Variants in GRIP1 observed in about 807,000 individuals in gnomAD.
GRIP1 encodes glutamate receptor-interacting protein 1.
Under a neutral mutation model 129.9 loss-of-function variants are expected in GRIP1, and 45 were observed. That is an observed-to-expected ratio of 0.35 (90% CI 0.27 to 0.44). The LOEUF (loss-of-function observed/expected upper bound fraction) is 0.44. Ranked by LOEUF, GRIP1 falls within the 20% of genes least tolerant of loss-of-function variation. The probability of loss-of-function intolerance (pLI) is 1.00; values close to 1 mark genes in which losing one functional copy is unlikely to be tolerated. For synonymous variants in GRIP1, 530 were observed against 520.8 expected (o/e 1.02, Z -0.24); for missense variants, 1,196 against 1,396.8 (o/e 0.86, Z 2.29).
intron 1 of GRIP1, among the ~76,000 whole-genome samples, chr12:66,976,941 C>T (rs2042161398): frequency 2.0e-5 from 3 of 152,150 alleles, no homozygotes; most frequent in Admixed American, 2.0e-4. Flanking sequence ...TATAAACTGC[C>T]AAGCTAATGA....
intron 7 of GRIP1, among the ~76,000 whole-genome samples, chr12:66,471,114 G>A (rs2059427840): frequency 6.6e-6 from 1 of 152,180 alleles, no homozygotes; most frequent in Non-Finnish European, 1.5e-5. Context: ...TCATGGCAGA[G>A]CAGCAAGAAG....
intron 1 of GRIP1, among the ~76,000 whole-genome samples, chr12:67,054,989 G>A (rs1185294954): frequency 2.0e-5 from 3 of 152,136 alleles, no homozygotes; most frequent in Admixed American, 2.0e-4. Flanking sequence ...ATCGGCTACT[G>A]GGTTTACCAA....
intron 1 of GRIP1, among the ~76,000 whole-genome samples, chr12:66,880,110 T>C (rs575647375): frequency 3.3e-5 from 5 of 151,944 alleles, no homozygotes; most frequent in Non-Finnish European, 7.4e-5. Context: ...CAAGACCAGA[T>C]AGCTTGAGGT....
chr12:66,383,095 G>A (rs1044062936), intron 19 of GRIP1, among the ~76,000 whole-genome samples: 9 of 151,946 alleles, frequency 5.9e-5, no homozygotes, highest in East Asian at 1.9e-4. Flanking sequence ...CCAGGAGTTC[G>A]AGACCAGCCT....
intron 1 of GRIP1, among the ~76,000 whole-genome samples, chr12:66,637,329 G>A (rs1194254351): frequency 3.3e-5 from 5 of 152,010 alleles, no homozygotes; most frequent in African/African-American, 9.7e-5. Flanking sequence ...GGCTTAACAT[G>A]GTTACCAATA....
rs547230086 is a variant in GRIP1 at position 66,991,958 on chromosome 12, T to C, written c.58+77092A>G. Among the ~76,000 whole-genome samples, 329 of 152,308 alleles carry C rather than the reference T, an allele frequency of 2.2e-3. 3 individuals are homozygous for C. Among genetic ancestry groups the C allele is most frequent in the African/African-American group, 7.7e-3 (320 of 41,570 alleles). On this transcript the variant is annotated intron_variant, in intron 1 of 1. Coordinates refer to the GRIP1 transcript ENST00000643019. ...AAATGCTTTCACAGAACAGGACACA[T>C]TGAAACACCACTCAAAATATGACTT... is the stretch of plus-strand genomic sequence containing the variant.
chr12:66,791,310 A>G (rs529400879), intron 1 of GRIP1, among the ~76,000 whole-genome samples: 3 of 152,270 alleles, frequency 2.0e-5, no homozygotes, highest in South Asian at 2.1e-4. Context: ...TCCGGATGGG[A>G]GGAGCAGACT....
At chr12:66,841,845 C>T (rs773921635) in intron 1 of GRIP1, among the ~76,000 whole-genome samples, 1 of 152,138 alleles carries the variant, frequency 6.6e-6, no homozygotes, top group South Asian at 2.1e-4. Flanking sequence ...TTATATTTGC[C>T]TATTCTGTAA....
chr12:66,681,829 C>T (rs1474716550), upstream of GRIP1, among the ~76,000 whole-genome samples: 1 of 152,104 alleles, frequency 6.6e-6, no homozygotes, highest in Admixed American at 6.6e-5. Context: ...GCAGACTAGT[C>T]CCTTAAGATG....
intron 1 of GRIP1, among the ~76,000 whole-genome samples, chr12:67,015,327 C>G (rs182970743): frequency 6.9e-4 from 105 of 152,296 alleles, no homozygotes; most frequent in Non-Finnish European, 2.9e-5. Context: ...GGGGCTCTTT[C>G]ACGCTAAAAT....
chr12:66,729,284 T>C lies in GRIP1; in HGVS notation c.-420+74769A>G, dbSNP rs1266510292. ...TTTCTGGTATTTAATTTTAGGTTTT[T>C]GGCTAGTATTAAGAAAAACCATACT... On this transcript the variant is annotated intron_variant, in intron 1 of 4. Transcript: ENST00000538373. 2.0e-5 allele frequency among the ~76,000 whole-genome samples: 3 copies of C among 152,156 alleles called. No homozygotes were observed. The East Asian group carries it at 5.8e-4, about 29-fold the overall frequency.
intron 2 of GRIP1, among the ~76,000 whole-genome samples, chr12:66,553,894 AG>A (rs2062228133): frequency 6.6e-6 from 1 of 152,022 alleles, no homozygotes; most frequent in Non-Finnish European, 1.5e-5. Context: ...CCTCCATCCC[AG>A]CAGTTGCCAT....
chr12:66,581,138 C>T (rs2063360532), intron 2 of GRIP1, among the ~76,000 whole-genome samples: 1 of 152,106 alleles, frequency 6.6e-6, no homozygotes, highest in Admixed American at 6.5e-5. Context: ...ACTGAACAAC[C>T]TGCTCCTGAA....
chr12:66,852,142 T>G (rs2039923637), intron 1 of GRIP1, among the ~76,000 whole-genome samples: 1 of 152,110 alleles, frequency 6.6e-6, no homozygotes, highest in South Asian at 2.1e-4. Context: ...GAAAGATGTC[T>G]ATAAAAATAC....
chr12:66,942,791 C>A (rs990824864), intron 1 of GRIP1, among the ~76,000 whole-genome samples: 2 of 152,158 alleles, frequency 1.3e-5, no homozygotes, highest in Non-Finnish European at 2.9e-5. Flanking sequence ...GGAGGCGGAG[C>A]TTTTGGGAGG....
At chr12:66,360,826 A>G (rs533582645) in intron 23 of GRIP1, among the ~76,000 whole-genome samples, 1 of 152,326 alleles carries the variant, frequency 6.6e-6, no homozygotes, top group South Asian at 2.1e-4. Flanking sequence ...GGGCAATTGC[A>G]TCTGCTGTCT....
chr12:66,467,303 C>T (rs2059313246), intron 7 of GRIP1, among the ~76,000 whole-genome samples: 1 of 152,164 alleles, frequency 6.6e-6, no homozygotes, highest in African/African-American at 2.4e-5. Flanking sequence ...GGATGCTACT[C>T]TCTGCTCTCG....
intron 1 of GRIP1, among the ~76,000 whole-genome samples, chr12:66,645,326 C>T (rs929097797): frequency 9.9e-5 from 15 of 152,184 alleles, no homozygotes; most frequent in African/African-American, 1.9e-4. Flanking sequence ...GACCTTAGGT[C>T]GCCTGACCTC....
intron 1 of GRIP1, among the ~76,000 whole-genome samples, chr12:66,733,623 G>A (rs1159849613): frequency 1.3e-5 from 2 of 152,122 alleles, no homozygotes; most frequent in Non-Finnish European, 2.9e-5. Flanking sequence ...ATCACTACAC[G>A]TGGGCCACCA....
Sources: allele counts gnomAD v4.1 joint callset (sites outside exome capture counted in the v4.1 genomes callset), GRCh38; gene constraint gnomAD v4.1.1; transcripts MANE v1.5; gene names NCBI Gene and HGNC (gene_info 2026-07-23, HGNC 2026-07-21).